DNAH9: variants seen among roughly 807,000 people sequenced by gnomAD.
DNAH9 encodes the protein DNAH9 variant protein.
A neutral mutation model predicts 471.6 loss-of-function variants in DNAH9; 345 were observed. The observed-to-expected ratio is 0.73, with a 90% CI of 0.67 to 0.80. DNAH9 has a LOEUF of 0.80. Ranked by LOEUF, DNAH9 falls within the 30% of genes least tolerant of loss-of-function variation. The pLI, the probability that DNAH9 is intolerant of heterozygous loss-of-function variation, is 0.00. For missense variants in DNAH9, 5,407 were observed against 5,609.2 expected, an observed-to-expected ratio of 0.96 and a Z score of 1.15; for synonymous variants, 2,093 against 2,123.6, an observed-to-expected ratio of 0.99 and a Z score of 0.40.
At chr17:11,954,373 A>G (rs151212322) in intron 67 of DNAH9, among the ~76,000 whole-genome samples, 19 of 152,318 alleles carry the variant, frequency 1.2e-4, no homozygotes, top group Non-Finnish European at 2.2e-4. Context: ...AACATTGTAA[A>G]TACACCTCAT....
At chr17:11,923,398 G>A (rs1054991555) in intron 61 of DNAH9, among the ~76,000 whole-genome samples, 5 of 151,422 alleles carry the variant, frequency 3.3e-5, no homozygotes, top group East Asian at 2.0e-4. Flanking sequence ...TGCAAGGTCC[G>A]CCTCCTGGGT....
chr17:11,872,781 A>G (rs59436893), intron 52 of DNAH9, among the ~76,000 whole-genome samples: 85,691 of 151,838 alleles, frequency 0.56, 24,511 homozygotes, highest in East Asian at 0.71. Context: ...TTAGCCGGGC[A>G]TGGTGGCGGG....
rs2074121130 is a variant in DNAH9 at position 11,680,828 on chromosome 17, A to T, written c.3682A>T (p.Thr1228Ser). Residue 1228 changes from threonine (T) to serine (S), a missense_variant, in exon 19 of 69, where the codon ACA becomes TCA. Physicochemically the swap from Thr to Ser is moderately conservative, Grantham distance 58. This residue lies in a region of DNAH9 where 4,636 missense variants were observed against 4,900.3 expected (regional missense o/e 0.95). Coordinates refer to ENST00000262442, the MANE Select transcript of DNAH9 (RefSeq NM_001372.4). ...NEVTLLRQRC[T>S]AFDAEQQQFW... ...AGTGACACTCCTCCGCCAGAGGTGC[A>T]CAGCCTTCGATGCAGAACAGCAGCA... The T allele has an allele frequency of 6.2e-7, 1 of 1,613,744 alleles. No individual in the cohort carries two copies. Among genetic ancestry groups the T allele is most frequent in the African/African-American group, 1.3e-5 (1 of 74,922 alleles).
intron 14 of DNAH9, among the ~76,000 whole-genome samples, chr17:11,653,527 A>G (rs1239873805): frequency 6.6e-6 from 1 of 152,206 alleles, no homozygotes; most frequent in Non-Finnish European, 1.5e-5. Flanking sequence ...ACGTCCCATC[A>G]TCAAAGACTG....
At chr17:11,924,616 CTTTT>C (rs756191140) in intron 62 of DNAH9, among the ~76,000 whole-genome samples, 2 of 91,952 alleles carry the variant, frequency 2.2e-5, no homozygotes, top group African/African-American at 9.0e-5. Flanking sequence ...ACTACTAACT[CTTTT>C]TTTTTTTTTT....
intron 39 of DNAH9, among the ~76,000 whole-genome samples, chr17:11,782,824 A>C (rs1024813515): frequency 4.6e-5 from 7 of 152,196 alleles, no homozygotes; most frequent in African/African-American, 1.7e-4. Context: ...TTGAACCCAG[A>C]AGGTAGAGGT....
chr17:11,866,348 G>A (rs893219004), intron 50 of DNAH9, among the ~76,000 whole-genome samples: 4 of 152,142 alleles, frequency 2.6e-5, no homozygotes, highest in Non-Finnish European at 5.9e-5. Flanking sequence ...CTTGAACCGC[G>A]AATGCTGCTG....
At chr17:11,686,500 A>G (rs1463480436) in intron 19 of DNAH9, among the ~76,000 whole-genome samples, 3 of 152,152 alleles carry the variant, frequency 2.0e-5, no homozygotes, top group African/African-American at 7.2e-5. Context: ...CACGTGGACG[A>G]GGTCTATGAA....
At chr17:11,831,689 C>G (rs1970688517) in intron 48 of DNAH9, among the ~76,000 whole-genome samples, 1 of 152,208 alleles carries the variant, frequency 6.6e-6, no homozygotes, top group African/African-American at 2.4e-5. Flanking sequence ...AAAGTTCTCC[C>G]CCACAGGCAA....
chr17:11,741,843 G>T (rs2075437155), intron 29 of DNAH9, among the ~76,000 whole-genome samples: 1 of 152,184 alleles, frequency 6.6e-6, no homozygotes, highest in Non-Finnish European at 1.5e-5. Flanking sequence ...TTCATGCCTT[G>T]TGTAAGACAC....
chr17:11,905,879 A>C (rs1392378219), intron 61 of DNAH9, 70 bp downstream of exon 61: 5 of 1,494,896 alleles, frequency 3.3e-6, no homozygotes. Flanking sequence ...GGGTCTATTG[A>C]TTTCTCTTTT....
intron 9 of DNAH9, among the ~76,000 whole-genome samples, chr17:11,637,623 T>C (rs181211722): frequency 6.6e-6 from 1 of 151,908 alleles, no homozygotes; most frequent in African/African-American, 2.4e-5. Context: ...AAGAAAGAAA[T>C]AAAATACATT....
chr17:11,743,209 C>T (rs1275333845), intron 30 of DNAH9, among the ~76,000 whole-genome samples: 2 of 152,184 alleles, frequency 1.3e-5, no homozygotes, highest in South Asian at 2.1e-4. Context: ...CATTTGCTAA[C>T]TCTAGGACCC....
In DNAH9 at chr17:11,701,218, G is replaced by A; in HGVS notation, c.5122G>A (p.Glu1708Lys). 1 of 1,613,826 alleles carries A rather than the reference G, an allele frequency of 6.2e-7. No homozygotes were observed. The highest frequency in any genetic ancestry group is 8.5e-7 in the Non-Finnish European group (1 of 1,179,966). ...AACTGCCTATGAAGAAAAGCCGAGG[G>A]AGCAGTGGCTTTTTGACCACCCAGC... Reference protein sequence around the residue: ...GVTAYEEKPREQWLFDHPAQV... With the variant: ...GVTAYEEKPRKQWLFDHPAQV... Residue 1708 changes from glutamate (E) to lysine (K), a missense_variant, in exon 24 of 69, where the codon GAG becomes AAG. Glu to Lys is a moderately conservative substitution (Grantham distance 56). This residue lies in a region of DNAH9 where 4,636 missense variants were observed against 4,900.3 expected (regional missense o/e 0.95). Transcript: ENST00000262442.
intron 27 of DNAH9, among the ~76,000 whole-genome samples, chr17:11,724,185 T>A (rs2075113526): frequency 6.6e-6 from 1 of 152,176 alleles, no homozygotes; most frequent in Non-Finnish European, 1.5e-5. Flanking sequence ...TGTTTCTTTG[T>A]GTTGGGAACA....
At chr17:11,691,011 C>T (rs1266531775) in intron 20 of DNAH9, among the ~76,000 whole-genome samples, 2 of 152,286 alleles carry the variant, frequency 1.3e-5, no homozygotes, top group East Asian at 3.9e-4. Context: ...TAACTTACCC[C>T]TCTCTCAGTG....
chr17:11,854,425 C>T lies in DNAH9; in HGVS notation c.9930C>T (p.Ile3310=), dbSNP rs372070779. ...AGCTGGCTGCCATCAAAGCCAAGAT[C>T]GCTGTGAGTGACCCCAGAGCCCCTC... ...QEKLAAIKAK[I]AHLNENLAKL... is the part of the protein sequence containing the mutation. Residue 3310 remains isoleucine (I), a synonymous_variant, in exon 50 of 69, where the codon ATC becomes ATT. Transcript: ENST00000262442. The T allele has an allele frequency of 4.2e-5, 68 of 1,610,418 alleles. No homozygotes were observed. Among genetic ancestry groups the T allele is most frequent in the Middle Eastern group, 1.7e-4 (1 of 5,848 alleles).
intron 68 of DNAH9, among the ~76,000 whole-genome samples, chr17:11,967,787 C>T (rs955514038): frequency 2.6e-5 from 4 of 152,030 alleles, no homozygotes; most frequent in African/African-American, 9.7e-5. Context: ...AACCAAAAGG[C>T]AGCTGAGAGG....
intron 61 of DNAH9, among the ~76,000 whole-genome samples, chr17:11,911,754 C>G (rs1174472283): frequency 2.6e-5 from 4 of 151,970 alleles, no homozygotes; most frequent in East Asian, 1.9e-4. Flanking sequence ...TCTTTAAGTT[C>G]TTTTAACTAT....
Sources: allele counts gnomAD v4.1 joint callset (sites outside exome capture counted in the v4.1 genomes callset), GRCh38; gene constraint gnomAD v4.1.1; regional missense constraint gnomAD v4.1.1; transcripts MANE v1.5; gene names NCBI Gene and HGNC (gene_info 2026-07-23, HGNC 2026-07-21).